The following SYNE1 variants were observed in gnomAD, a reference collection of about 807,000 sequenced individuals.
SYNE1 encodes the protein spectrin repeat containing nuclear envelope protein 1, also known as nesprin-1.
Under a neutral mutation model 1,111.0 loss-of-function variants are expected in SYNE1, and 616 were observed. The observed-to-expected ratio is 0.55, with a 90% CI of 0.52 to 0.59. The LOEUF is 0.59. Ranked by LOEUF, SYNE1 falls within the 20% of genes least tolerant of loss-of-function variation. The pLI is 0.00. For missense variants in SYNE1, 10,006 were observed against 10,417.0 expected (o/e 0.96, Z 1.72); for synonymous variants, 3,855 against 3,825.8 (o/e 1.01, Z -0.28).
chr6:152,323,880 G>T (rs1025878657), intron 81 of SYNE1, 143 bp from the exon 82 acceptor site: 26 of 920,316 alleles, frequency 2.8e-5, no homozygotes, highest in Non-Finnish European at 3.5e-5. Context: ...ACTGGAACCT[G>T]AGCAACCTTC....
At position 152,526,903 on chromosome 6, in the gene SYNE1, A is replaced by G. The variant is rs149921577; in HGVS notation, c.130-728T>C. Among the ~76,000 whole-genome samples, 542 of 152,294 alleles carry G rather than the reference A, an allele frequency of 3.6e-3. 3 individuals are homozygous for G. The highest frequency in any genetic ancestry group is 0.012 in the African/African-American group (496 of 41,558). ...TTCATGGAGCATCTTTTATTTTTTT[A>G]TGAAGGTTATTAAAATACTCAATAT... is the stretch of plus-strand genomic sequence containing the variant. On this transcript the variant is annotated intron_variant, in intron 4 of 145. Transcript: ENST00000367255.
chr6:152,477,539 G>T (rs186731043), intron 14 of SYNE1, among the ~76,000 whole-genome samples: 13 of 152,174 alleles, frequency 8.5e-5, no homozygotes, highest in African/African-American at 2.6e-4. Context: ...TTTCAATGAG[G>T]CTTCACTGAC....
chr6:152,178,204 T>C (rs1408939395), intron 129 of SYNE1, among the ~76,000 whole-genome samples: 1 of 152,110 alleles, frequency 6.6e-6, no homozygotes, highest in Non-Finnish European at 1.5e-5. Flanking sequence ...GAGATGGTTT[T>C]TTTCCCCACA....
chr6:152,581,261 C>T lies in SYNE1; in HGVS notation c.68-41240G>A, dbSNP rs2099518308. 2.0e-5 allele frequency among the ~76,000 whole-genome samples: 3 copies of T among 152,146 alleles called. No homozygotes were observed. The South Asian group carries it at 6.2e-4, about 32-fold the overall frequency. ...ATTTGCACAGGTAAGAGGGGATGCC[C>T]TAGTGGGCCAGGGACTGGAATGTTG... is the stretch of plus-strand genomic sequence containing the variant. On this transcript the variant is annotated intron_variant, in intron 3 of 145. Coordinates refer to ENST00000367255, the MANE Select transcript of SYNE1 (RefSeq NM_182961.4).
At position 152,544,945 on chromosome 6, in the gene SYNE1, T is replaced by C. The variant is rs77766183; in HGVS notation, c.68-4924A>G. Among the ~76,000 whole-genome samples the C allele has an allele frequency of 5.4e-3, 830 of 152,306 alleles. 9 individuals carry two copies. The highest frequency in any genetic ancestry group is 0.019 in the African/African-American group (778 of 41,562). ...TTTTAATTTTACCTTACATAACAAA[T>C]GTACCAACTAATATGTGATGTAAAA... On this transcript the variant is annotated intron_variant, in intron 3 of 145. Transcript: ENST00000367255.
chr6:152,286,684 A>G (rs960851197), intron 95 of SYNE1, among the ~76,000 whole-genome samples: 1 of 151,998 alleles, frequency 6.6e-6, no homozygotes, highest in African/African-American at 2.4e-5. Flanking sequence ...AGTTGTTTGT[A>G]TATTCTGGAT....
chr6:152,212,104 G>A (rs1285834076), intron 123 of SYNE1, among the ~76,000 whole-genome samples: 2 of 152,016 alleles, frequency 1.3e-5, no homozygotes, highest in African/African-American at 4.8e-5. Flanking sequence ...TATTTCTACT[G>A]TTTTTTAAAC....
chr6:152,612,710 A>G (rs1226803203), intron 3 of SYNE1, among the ~76,000 whole-genome samples: 1 of 152,144 alleles, frequency 6.6e-6, no homozygotes, highest in African/African-American at 2.4e-5. Context: ...AGAATTTTAG[A>G]CCAATATCCA....
At chr6:152,187,914 C>T (rs1302028854) in intron 128 of SYNE1, among the ~76,000 whole-genome samples, 5 of 152,016 alleles carry the variant, frequency 3.3e-5, no homozygotes, top group African/African-American at 1.2e-4. Context: ...TTAGTAGAGA[C>T]AGGGTTTCAC....
chr6:152,248,242 T>C (rs2088016641), intron 105 of SYNE1, among the ~76,000 whole-genome samples: 1 of 152,182 alleles, frequency 6.6e-6, no homozygotes. Context: ...ATCTCCCAGC[T>C]GAGTCTAAAC....
chr6:152,274,847 C>T (rs781665943), intron 98 of SYNE1, among the ~76,000 whole-genome samples: 19 of 152,230 alleles, frequency 1.2e-4, no homozygotes, highest in South Asian at 4.1e-4. Flanking sequence ...CCACCTGCCT[C>T]AGCCTCCCAA....
At position 152,218,382 on chromosome 6, in the gene SYNE1, T is replaced by C. The variant is rs764173089; in HGVS notation, c.22066A>G (p.Thr7356Ala). ...SLQAGVLDYE[T>A]FAKSLEALEA... is the part of the protein sequence containing the mutation. ...AAAGCTTCTAAACTCTTGGCAAAGG[T>C]TTCATAATCAAGAACTCCAGCCTTT... Residue 7356 changes from threonine (T) to alanine (A), a missense_variant, in exon 121 of 146, where the codon ACC becomes GCC. Physicochemically the swap from Thr to Ala is moderately conservative, Grantham distance 58. This residue lies in a region of SYNE1 where 2,182 missense variants were observed against 2,287.8 expected (regional missense o/e 0.95). Transcript: ENST00000367255. 50 of 1,613,730 alleles carry C rather than the reference T, an allele frequency of 3.1e-5. No individual in the cohort carries two copies. The highest frequency in any genetic ancestry group is 2.0e-4 in the South Asian group (18 of 91,072).
At chr6:152,268,321 G>T (rs2092900019) in intron 99 of SYNE1, 156 bp from the exon 100 acceptor site, 2 of 652,370 alleles carry the variant, frequency 3.1e-6, no homozygotes, top group African/African-American at 1.8e-5. Flanking sequence ...ATATTCAAAT[G>T]TGTCTCCAAA....
chr6:152,364,232 C>A (rs539203355), intron 63 of SYNE1, among the ~76,000 whole-genome samples: 5 of 152,256 alleles, frequency 3.3e-5, no homozygotes, highest in African/African-American at 1.2e-4. Context: ...GAGGCCTCCC[C>A]AGCCATGAGG....
At chr6:152,397,071 C>A in intron 49 of SYNE1, 91 bp from the exon 50 acceptor site, 1 of 1,360,882 alleles carries the variant, frequency 7.3e-7, no homozygotes, top group Non-Finnish European at 1.0e-6. Flanking sequence ...AAACAGAGTC[C>A]AAAGGAAAAT....
intron 84 of SYNE1, among the ~76,000 whole-genome samples, chr6:152,320,844 T>C (rs2095854548): frequency 6.6e-6 from 1 of 152,210 alleles, no homozygotes; most frequent in Non-Finnish European, 1.5e-5. Context: ...TCTTTGATTT[T>C]TCCCTTTCCT....
At chr6:152,350,595 C>T (rs371856912) in intron 71 of SYNE1, 23 bp downstream of exon 71, 32 of 1,613,996 alleles carry the variant, frequency 2.0e-5, no homozygotes, top group African/African-American at 5.3e-5. Flanking sequence ...AACCCTTTTA[C>T]GGAGTCTTTC....
intron 97 of SYNE1, among the ~76,000 whole-genome samples, chr6:152,279,548 T>A (rs1160489903): frequency 1.3e-5 from 2 of 151,438 alleles, no homozygotes; most frequent in East Asian, 3.9e-4. Context: ...AAACCCCGTC[T>A]CTCCAAAAAA....
At chr6:152,346,599 A>C (rs2096636387) in intron 73 of SYNE1, among the ~76,000 whole-genome samples, 1 of 151,844 alleles carries the variant, frequency 6.6e-6, no homozygotes, top group African/African-American at 2.4e-5. Context: ...TCACGAGGTC[A>C]GGAGATCGAA....
Sources: allele counts gnomAD v4.1 joint callset (sites outside exome capture counted in the v4.1 genomes callset), GRCh38; gene constraint gnomAD v4.1.1; regional missense constraint gnomAD v4.1.1; transcripts MANE v1.5; gene names NCBI Gene and HGNC (gene_info 2026-07-23, HGNC 2026-07-21).